The following DCDC1 variants were observed in gnomAD, a reference collection of about 807,000 sequenced individuals.
DCDC1 encodes the protein doublecortin domain containing 1.
A neutral mutation model predicts 178.3 loss-of-function variants in DCDC1; 200 were observed. The ratio of observed to expected loss-of-function variants is 1.12; its 90% CI spans 1.00 to 1.26. The LOEUF is 1.26. DCDC1 is among the 50% of genes most tolerant of loss of function. DCDC1 has a pLI of 0.00. For synonymous variants in DCDC1, 690 were observed against 604.8 expected, an observed-to-expected ratio of 1.14 and a Z score of -2.07; for missense variants, 1,983 against 1,749.2, an observed-to-expected ratio of 1.13 and a Z score of -2.38.
At chr11:30,956,485 C>T (rs1229597021) in intron 20 of DCDC1, among the ~76,000 whole-genome samples, 1 of 152,116 alleles carries the variant, frequency 6.6e-6, no homozygotes, top group Non-Finnish European at 1.5e-5. Flanking sequence ...TTTGAGTCAC[C>T]AACACAACAT....
chr11:31,240,194 A>C (rs1976944138), intron 9 of DCDC1, among the ~76,000 whole-genome samples: 1 of 151,994 alleles, frequency 6.6e-6, no homozygotes, highest in Non-Finnish European at 1.5e-5. Flanking sequence ...TGATATCTTA[A>C]AACTTAAATA....
chr11:31,048,111 C>T (rs775014386), intron 20 of DCDC1, among the ~76,000 whole-genome samples: 1 of 152,076 alleles, frequency 6.6e-6, no homozygotes, highest in African/African-American at 2.4e-5. Flanking sequence ...TATCTTACCC[C>T]AAATCATACA....
chr11:31,093,107 T>C (rs1418009554), intron 16 of DCDC1, among the ~76,000 whole-genome samples: 1 of 152,132 alleles, frequency 6.6e-6, no homozygotes, highest in African/African-American at 2.4e-5. Flanking sequence ...CAAAATACCA[T>C]GTAAAAAGGG....
chr11:30,948,714 A>G (rs1948218909), intron 21 of DCDC1, among the ~76,000 whole-genome samples: 1 of 152,188 alleles, frequency 6.6e-6, no homozygotes. Flanking sequence ...ATCTAAAACC[A>G]TCTGATCTTT....
chr11:31,058,913 T>C (rs1219514007), intron 20 of DCDC1, among the ~76,000 whole-genome samples: 1 of 152,128 alleles, frequency 6.6e-6, no homozygotes, highest in East Asian at 1.9e-4. Context: ...AATCCAGAAA[T>C]CATTACCTAC....
chr11:31,290,984 A>G (rs930507370), intron 6 of DCDC1, 132 bp from the exon 7 acceptor site: 11 of 776,760 alleles, frequency 1.4e-5, no homozygotes, highest in Non-Finnish European at 2.2e-5. Context: ...GTTTTCTGAA[A>G]TGCTACCACC....
chr11:30,974,273 CAAAA>C (rs544088277), intron 20 of DCDC1, among the ~76,000 whole-genome samples: 1 of 100,310 alleles, frequency 1.0e-5, no homozygotes. Flanking sequence ...ACAGCTGCAT[CAAAA>C]AAAAAAAAAA....
chr11:31,066,938 G>A (rs898749624), intron 18 of DCDC1, among the ~76,000 whole-genome samples: 1 of 152,056 alleles, frequency 6.6e-6, no homozygotes, highest in African/African-American at 2.4e-5. Flanking sequence ...AGATACTAGG[G>A]GAGGGTGTAC....
chr11:30,903,917 A>G (rs1248046366), intron 31 of DCDC1: 3 of 336,442 alleles, frequency 8.9e-6, no homozygotes, highest in Non-Finnish European at 1.6e-5. Flanking sequence ...ATCTCCACAA[A>G]TTTAACATGG....
intron 1 of DCDC1, among the ~76,000 whole-genome samples, chr11:31,365,609 T>C (rs979554093): frequency 6.6e-6 from 1 of 152,172 alleles, no homozygotes; most frequent in Non-Finnish European, 1.5e-5. Context: ...AATTTGTGAA[T>C]GTCTGGTAGA....
chr11:31,040,843 G>C (rs1954396100), intron 20 of DCDC1, among the ~76,000 whole-genome samples: 1 of 152,172 alleles, frequency 6.6e-6, no homozygotes, highest in Non-Finnish European at 1.5e-5. Context: ...AAACAGCTGT[G>C]AGCTAGAAAA....
intron 9 of DCDC1, among the ~76,000 whole-genome samples, chr11:31,185,055 T>C (rs1276687166): frequency 6.6e-6 from 1 of 152,166 alleles, no homozygotes; most frequent in Non-Finnish European, 1.5e-5. Context: ...GTGGCACATA[T>C]ACACTATGGA....
At chr11:31,251,332 C>T (rs760602972) in intron 8 of DCDC1, among the ~76,000 whole-genome samples, 1 of 152,088 alleles carries the variant, frequency 6.6e-6, no homozygotes, top group Non-Finnish European at 1.5e-5. Flanking sequence ...TTTGGCTGAA[C>T]ATTATTCTGA....
chr11:31,131,707 G>A (rs2135960624), intron 10 of DCDC1, among the ~76,000 whole-genome samples: 1 of 152,284 alleles, frequency 6.6e-6, no homozygotes, highest in African/African-American at 2.4e-5. Flanking sequence ...CCCATCTCCA[G>A]CATCATGTGA....
At chr11:30,896,356 G>A (rs971345020) in intron 34 of DCDC1, among the ~76,000 whole-genome samples, 33 of 152,152 alleles carry the variant, frequency 2.2e-4, no homozygotes, top group African/African-American at 7.7e-4. Context: ...CACTGATATT[G>A]CAGATTATTT....
chr11:31,308,637 A>G (rs1057131065), intron 3 of DCDC1, among the ~76,000 whole-genome samples: 5 of 152,166 alleles, frequency 3.3e-5, no homozygotes, highest in Non-Finnish European at 2.9e-5. Context: ...TTAGGCTGGA[A>G]GAGTAGTATG....
At chr11:31,016,755 A>G (rs528198765) in intron 20 of DCDC1, among the ~76,000 whole-genome samples, 3 of 152,238 alleles carry the variant, frequency 2.0e-5, no homozygotes, top group South Asian at 2.1e-4. Context: ...AAAAATAGGG[A>G]TGCCTGTGTC....
Position 31,349,102 on chromosome 11 carries a change from T to C in DCDC1, c.-124-13538A>G, listed in dbSNP as rs960727640. ...GTTATGTTTCCTGTTGGAATTTCAG[T>C]GACAAATGTTTTTGCTTGTTTAATA... On this transcript the variant is annotated intron_variant, in intron 1 of 38. Coordinates refer to ENST00000684477, the MANE Select transcript of DCDC1 (RefSeq NM_001387274.1). 3.3e-5 allele frequency among the ~76,000 whole-genome samples: 5 copies of C among 152,292 alleles called. No homozygotes were observed. The East Asian group carries it at 9.7e-4, about 29-fold the overall frequency.
At chr11:31,341,461 GATAC>G in intron 1 of DCDC1, among the ~76,000 whole-genome samples, 1 of 150,458 alleles carries the variant, frequency 6.6e-6, no homozygotes, top group Non-Finnish European at 1.5e-5. Context: ...TAACAACGGG[GATAC>G]GTTCTGAGAA....
Sources: gnomAD v4.1 joint callset for allele counts (sites outside exome capture counted in the v4.1 genomes callset) on GRCh38, gnomAD v4.1.1 for gene constraint, MANE v1.5 for transcripts, NCBI Gene and HGNC (gene_info 2026-07-23, HGNC 2026-07-21) for gene names.